CNTN3: variants seen among roughly 807,000 people sequenced by gnomAD.
CNTN3 encodes the protein contactin-3.
A neutral mutation model predicts 119.1 loss-of-function variants in CNTN3; 60 were observed. The observed-to-expected ratio is 0.50, with a 90% CI of 0.41 to 0.62. The LOEUF is 0.62. Among genes scored for constraint, CNTN3 ranks in the 20% least tolerant of loss-of-function variants. The probability of loss-of-function intolerance (pLI) is 0.00; values close to 1 mark genes in which losing one functional copy is unlikely to be tolerated. For missense variants in CNTN3, 1,101 were observed against 1,242.4 expected, an observed-to-expected ratio of 0.89 and a Z score of 1.71; for synonymous variants, 450 against 438.7, an observed-to-expected ratio of 1.03 and a Z score of -0.32.
rs1348342916 is a variant in CNTN3, at chr3:74,579,812, G to T, written c.-81+34579C>A. Among the ~76,000 whole-genome samples, 4 of 152,114 alleles carry T rather than the reference G, an allele frequency of 2.6e-5. No homozygotes were observed. In the East Asian group the frequency reaches 7.7e-4, roughly 29 times the overall value. ...AAACTCTTAATAGAAAAGAAGAGAG[G>T]TTTCTAAATCAACAATCGGAGCTCT... On this transcript the variant is annotated intron_variant, in intron 1 of 22. Transcript: ENST00000263665.
At chr3:74,446,028 G>C (rs762152112) in intron 4 of CNTN3, among the ~76,000 whole-genome samples, 6 of 152,094 alleles carry the variant, frequency 3.9e-5, no homozygotes. Flanking sequence ...TTGTCCTCCT[G>C]ATCACTAGTC....
At position 74,369,997 on chromosome 3, in the gene CNTN3, A is replaced by G; in HGVS notation, c.659-6T>C. 7.0e-7 allele frequency: 1 copy of G among 1,436,122 alleles called. No homozygotes were observed. The highest frequency in any genetic ancestry group is 9.8e-7 in the Non-Finnish European group (1 of 1,024,634). The allele number at this position is 1,436,122 out of a possible 1,614,324, so 89.0% of individuals were successfully genotyped here. On this transcript the variant is annotated splice_polypyrimidine_tract_variant and splice_region_variant and intron_variant, in intron 6 of 22. Coordinates refer to ENST00000263665, the MANE Select transcript of CNTN3 (RefSeq NM_020872.3). ...TTCATATTCACCCATCACACCTATA[A>G]ATCCACAATATAAAGTTAATCGTTT... is the stretch of plus-strand genomic sequence containing the variant.
intron 1 of CNTN3, among the ~76,000 whole-genome samples, chr3:74,540,098 C>A (rs940058419): frequency 1.3e-5 from 2 of 152,110 alleles, no homozygotes; most frequent in Admixed American, 6.6e-5. Context: ...TGAGGGCTGG[C>A]AGCCATCCAT....
Position 74,371,117 on chromosome 3 carries a change from T to C in CNTN3, c.658+79A>G, listed in dbSNP as rs899763141. 3.0e-6 allele frequency: 3 copies of C among 1,006,008 alleles called. No homozygotes were observed. In the South Asian group the frequency reaches 4.3e-5, roughly 14 times the overall value. The allele number at this position is 1,006,008 out of a possible 1,614,324, so 62.3% of individuals were successfully genotyped here. ...AGTGACAATTCTTCTAGATGTACTT[T>C]TTACATTTTCCCAATTGCTTTTGTT... is the stretch of plus-strand genomic sequence containing the variant. On this transcript the variant is annotated intron_variant, in intron 6 of 22. Transcript: ENST00000263665.
At chr3:74,588,554 C>T (rs975911166) in intron 1 of CNTN3, among the ~76,000 whole-genome samples, 2 of 151,964 alleles carry the variant, frequency 1.3e-5, no homozygotes, top group Non-Finnish European at 1.5e-5. Context: ...AGATTCAATG[C>T]CATCCCCATC....
intron 11 of CNTN3, among the ~76,000 whole-genome samples, chr3:74,341,731 T>C (rs1703553342): frequency 6.6e-6 from 1 of 152,172 alleles, no homozygotes. Context: ...GTTCATAAAG[T>C]ATACTGTTGT....
At chr3:74,537,038 T>A (rs1300371448) in intron 1 of CNTN3, among the ~76,000 whole-genome samples, 1 of 151,952 alleles carries the variant, frequency 6.6e-6, no homozygotes, top group Non-Finnish European at 1.5e-5. Context: ...AACTTGCCTG[T>A]AGACAAGATG....
chr3:74,335,931 C>A (rs1703383324), intron 12 of CNTN3, among the ~76,000 whole-genome samples: 1 of 152,108 alleles, frequency 6.6e-6, no homozygotes. Flanking sequence ...CCACTATGCA[C>A]CTCTTTCTTG....
chr3:74,568,007 A>G (rs141983102), intron 1 of CNTN3, among the ~76,000 whole-genome samples: 2 of 152,206 alleles, frequency 1.3e-5, no homozygotes, highest in African/African-American at 4.8e-5. Flanking sequence ...GTTCCCAAGA[A>G]CATTCCCAAA....
At chr3:74,422,539 T>C (rs1701632575) in intron 5 of CNTN3, among the ~76,000 whole-genome samples, 1 of 152,190 alleles carries the variant, frequency 6.6e-6, no homozygotes, top group East Asian at 1.9e-4. Flanking sequence ...AATAGATTCA[T>C]CTTTTGGGAC....
At chr3:74,290,745 G>A (rs1264790710) in intron 19 of CNTN3, among the ~76,000 whole-genome samples, 1 of 152,050 alleles carries the variant, frequency 6.6e-6, no homozygotes, top group Admixed American at 6.6e-5. Flanking sequence ...AGGCTGGAGT[G>A]CAGTGGCGTG....
chr3:74,303,910 C>T lies in CNTN3; in HGVS notation c.1669-1103G>A, dbSNP rs755655777. ...TGACTTGTAATAAGTCATATGATTT[C>T]GAAACCAAAGCCCTTGGAAAATGAT... On this transcript the variant is annotated intron_variant, in intron 13 of 22. Transcript: ENST00000263665. 6.6e-5 allele frequency among the ~76,000 whole-genome samples: 10 copies of T among 152,136 alleles called. No individual in the cohort carries two copies. The East Asian group carries it at 9.7e-4, about 15-fold the overall frequency.
intron 1 of CNTN3, among the ~76,000 whole-genome samples, chr3:74,612,912 A>G (rs1456688277): frequency 2.0e-5 from 3 of 152,232 alleles, no homozygotes; most frequent in Admixed American, 2.0e-4. Flanking sequence ...CGTATTAGGC[A>G]TCTTACAAAT....
chr3:74,343,495 C>CA (rs1703600261), intron 11 of CNTN3, among the ~76,000 whole-genome samples: 1 of 152,214 alleles, frequency 6.6e-6, no homozygotes, highest in Non-Finnish European at 1.5e-5. Flanking sequence ...ACACTAATGT[C>CA]AAAGTGCAAG....
intron 1 of CNTN3, among the ~76,000 whole-genome samples, chr3:74,609,154 C>G (rs1389587432): frequency 6.6e-6 from 1 of 152,012 alleles, no homozygotes; most frequent in Non-Finnish European, 1.5e-5. Flanking sequence ...TTGAAAAGAC[C>G]CATGTATTAT....
intron 4 of CNTN3, among the ~76,000 whole-genome samples, chr3:74,455,006 A>T (rs998008347): frequency 1.2e-4 from 19 of 152,024 alleles, no homozygotes; most frequent in African/African-American, 4.3e-4. Flanking sequence ...CTTCTCAAAG[A>T]GTATCTTTGT....
intron 11 of CNTN3, among the ~76,000 whole-genome samples, chr3:74,352,169 GAATA>G (rs1166215069): frequency 1.3e-5 from 2 of 152,186 alleles, no homozygotes; most frequent in Non-Finnish European, 2.9e-5. Flanking sequence ...TGGAATAAAA[GAATA>G]AATACCCAGT....
intron 4 of CNTN3, among the ~76,000 whole-genome samples, chr3:74,450,393 C>A (rs967988486): frequency 6.6e-6 from 1 of 151,604 alleles, no homozygotes; most frequent in South Asian, 2.1e-4. Context: ...TATGACTCTC[C>A]CTATAAAGGT....
chr3:74,301,231 G>A (rs1305376376), intron 16 of CNTN3, among the ~76,000 whole-genome samples, 167 bp downstream of exon 16: 5 of 152,160 alleles, frequency 3.3e-5, no homozygotes, highest in Admixed American at 1.3e-4. Context: ...ACTTACATGT[G>A]TTTCTTTTGA....
Sources: allele counts gnomAD v4.1 joint callset (sites outside exome capture counted in the v4.1 genomes callset), GRCh38; gene constraint gnomAD v4.1.1; transcripts MANE v1.5; gene names NCBI Gene and HGNC (gene_info 2026-07-23, HGNC 2026-07-21).